The following CFAP221 variants were observed in gnomAD, a reference collection of about 807,000 sequenced individuals.
CFAP221 encodes the protein cilia- and flagella-associated protein 221.
CFAP221 carries 97 observed loss-of-function variants against 113.1 expected under a neutral mutation model. The ratio of observed to expected loss-of-function variants is 0.86; its 90% CI spans 0.73 to 1.02. The LOEUF is 1.02. CFAP221 is among the 50% of genes least tolerant of loss of function. The pLI is 0.00. For missense variants in CFAP221, 1,025 were observed against 1,013.4 expected, an observed-to-expected ratio of 1.01 and a Z score of -0.16; for synonymous variants, 331 against 354.4, an observed-to-expected ratio of 0.93 and a Z score of 0.74.
intron 6 of CFAP221, among the ~76,000 whole-genome samples, chr2:119,574,342 G>A (rs1374600208): frequency 2.0e-5 from 3 of 152,196 alleles, no homozygotes; most frequent in African/African-American, 4.8e-5. Context: ...TCAACAGCAT[G>A]TACACATTGT....
chr2:119,620,056 G>A (rs1685796086), intron 14 of CFAP221, among the ~76,000 whole-genome samples: 1 of 152,090 alleles, frequency 6.6e-6, no homozygotes, highest in East Asian at 1.9e-4. Flanking sequence ...GAATGAAAAG[G>A]AATGAACAAA....
At chr2:119,624,834 C>T (rs1686180983) in intron 14 of CFAP221, among the ~76,000 whole-genome samples, 2 of 152,038 alleles carry the variant, frequency 1.3e-5, no homozygotes, top group African/African-American at 4.8e-5. Context: ...AACACATGGA[C>T]ACAGGGAGGG....
chr2:119,627,541 A>G (rs1686400050), intron 15 of CFAP221, 112 bp from the exon 16 acceptor site: 1 of 813,748 alleles, frequency 1.2e-6, no homozygotes, highest in South Asian at 2.0e-5. Context: ...ATATATATAT[A>G]TATACACACC....
chr2:119,587,277 G>A (rs895880993), intron 7 of CFAP221, 55 bp downstream of exon 7: 9 of 1,277,734 alleles, frequency 7.0e-6, no homozygotes, highest in African/African-American at 4.5e-5. Flanking sequence ...GCATTCAAAC[G>A]TTATATTTTC....
rs879876146 is a variant in CFAP221, at chr2:119,630,917, C to T, written c.1974+16C>T. 4 of 1,609,518 alleles carry T rather than the reference C, an allele frequency of 2.5e-6. No homozygotes were observed. Among genetic ancestry groups the T allele is most frequent in the Admixed American group, 1.7e-5 (1 of 59,934 alleles). On this transcript the variant is annotated intron_variant, in intron 19 of 23. Coordinates refer to ENST00000413369, the MANE Select transcript of CFAP221 (RefSeq NM_001271049.2). ...GTATGTTTTTGTAAGTGACAACTGG[C>T]AGAAGCCTTGTTTTCTGTGTTCCTT...
At chr2:119,564,522 C>G (rs1433210072) in intron 6 of CFAP221, among the ~76,000 whole-genome samples, 1 of 152,132 alleles carries the variant, frequency 6.6e-6, no homozygotes, top group Non-Finnish European at 1.5e-5. Context: ...CTTGTAATAA[C>G]CATTCCCTGG....
At chr2:119,631,149 ACATATAGG>A in intron 19 of CFAP221, 1 of 985,376 alleles carries the variant, frequency 1.0e-6, no homozygotes, top group Non-Finnish European at 1.3e-6. Flanking sequence ...TATAATATGT[ACATATAGG>A]CCAAAGAAGA....
At chr2:119,637,982 G>A (rs987741557) in intron 19 of CFAP221, 7 of 267,002 alleles carry the variant, frequency 2.6e-5, no homozygotes, top group Non-Finnish European at 3.5e-5. Context: ...CTGTGATTTC[G>A]GTTGTACTTA....
At chr2:119,592,405 T>G (rs1294857270) in intron 7 of CFAP221, among the ~76,000 whole-genome samples, 1 of 152,212 alleles carries the variant, frequency 6.6e-6, no homozygotes, top group Non-Finnish European at 1.5e-5. Flanking sequence ...GCTGGAATCT[T>G]GGCCATGGAA....
intron 3 of CFAP221, among the ~76,000 whole-genome samples, chr2:119,551,304 C>G (rs1313733230): frequency 1.3e-5 from 2 of 152,184 alleles, no homozygotes; most frequent in African/African-American, 4.8e-5. Flanking sequence ...TGTTAGCTTC[C>G]TGTGGCTGCC....
At chr2:119,620,835 A>G (rs1168189132) in intron 14 of CFAP221, among the ~76,000 whole-genome samples, 1 of 152,180 alleles carries the variant, frequency 6.6e-6, no homozygotes, top group Non-Finnish European at 1.5e-5. Context: ...AGTGTGGCGT[A>G]TTCAGGAGAC....
intron 22 of CFAP221, among the ~76,000 whole-genome samples, chr2:119,647,473 T>C (rs1687881237): frequency 6.6e-6 from 1 of 152,160 alleles, no homozygotes; most frequent in South Asian, 2.1e-4. Flanking sequence ...GAATCTCCTA[T>C]CCGTATGCTC....
At chr2:119,585,408 C>T (rs188348995) in intron 6 of CFAP221, among the ~76,000 whole-genome samples, 63 of 152,054 alleles carry the variant, frequency 4.1e-4, no homozygotes, top group African/African-American at 1.4e-3. Flanking sequence ...CAATTTTCTC[C>T]GAAATAAAGG....
chr2:119,550,541 C>G (rs1327964174), intron 3 of CFAP221, among the ~76,000 whole-genome samples: 1 of 152,188 alleles, frequency 6.6e-6, no homozygotes, highest in Non-Finnish European at 1.5e-5. Flanking sequence ...AACACAGCAT[C>G]AAAGACCAAA....
chr2:119,638,551 C>T (rs1325495684), intron 20 of CFAP221, 134 bp downstream of exon 20: 4 of 1,140,922 alleles, frequency 3.5e-6, no homozygotes, highest in Non-Finnish European at 5.1e-6. Context: ...GGTAACACCG[C>T]CCCTCATACC....
chr2:119,651,789 ATTGT>A (rs1574241881), intron 22 of CFAP221, among the ~76,000 whole-genome samples, 181 bp from the exon 23 acceptor site: 1 of 152,210 alleles, frequency 6.6e-6, no homozygotes, highest in East Asian at 1.9e-4. Flanking sequence ...TATGCCTACC[ATTGT>A]TTGTTGGTGG....
In CFAP221 at chr2:119,638,503, G is replaced by A. The variant is rs565914172; in HGVS notation, c.2133+86G>A. ...CAAGGACAGGGTCACAGCTGGAATT[G>A]CGACAAAGGTTTGCCGCCACAGCTG... On this transcript the variant is annotated intron_variant, in intron 20 of 23. Coordinates refer to ENST00000413369, the MANE Select transcript of CFAP221 (RefSeq NM_001271049.2). 93 of 1,526,354 alleles carry A rather than the reference G, an allele frequency of 6.1e-5. 1 individual carries two copies. In the South Asian group the frequency reaches 9.9e-4, roughly 16 times the overall value. The allele number at this position is 1,526,354 out of a possible 1,614,324, so 94.6% of individuals were successfully genotyped here.
intron 7 of CFAP221, among the ~76,000 whole-genome samples, chr2:119,591,823 G>A (rs994397822): frequency 1.3e-5 from 2 of 152,168 alleles, no homozygotes; most frequent in East Asian, 1.9e-4. Context: ...TTTCGTGATC[G>A]ACAGCAGGCA....
At chr2:119,563,129 G>A (rs941578728) in intron 6 of CFAP221, among the ~76,000 whole-genome samples, 1 of 152,140 alleles carries the variant, frequency 6.6e-6, no homozygotes, top group African/African-American at 2.4e-5. Flanking sequence ...ACTCCAGCCT[G>A]GGTGACAGAG....
Sources: gnomAD v4.1 joint callset for allele counts (sites outside exome capture counted in the v4.1 genomes callset) on GRCh38, gnomAD v4.1.1 for gene constraint, MANE v1.5 for transcripts, NCBI Gene and HGNC (gene_info 2026-07-23, HGNC 2026-07-21) for gene names.